The following RFX3 variants were observed in gnomAD, a reference collection of about 807,000 sequenced individuals.
RFX3 encodes regulatory factor X3.
A neutral mutation model predicts 98.6 loss-of-function variants in RFX3; 14 were observed. That is an observed-to-expected ratio of 0.14 (90% confidence interval 0.09 to 0.22). The LOEUF (loss-of-function observed/expected upper bound fraction) is 0.22, where lower values mean the gene tolerates loss of function less well. Ranked by LOEUF, RFX3 falls within the 10% of genes least tolerant of loss-of-function variation. RFX3 has a pLI of 1.00. For missense variants in RFX3, 639 were observed against 926.9 expected (o/e 0.69, Z 4.03); for synonymous variants, 383 against 328.4 (o/e 1.17, Z -1.80).
chr9:3,390,746 C>T (rs1390037638), intron 2 of RFX3, among the ~76,000 whole-genome samples: 2 of 152,104 alleles, frequency 1.3e-5, no homozygotes, highest in Non-Finnish European at 2.9e-5. Flanking sequence ...CCGTGTAAGA[C>T]ATGACTTGTT....
intron 13 of RFX3, among the ~76,000 whole-genome samples, chr9:3,261,859 G>C (rs1822941969): frequency 6.6e-6 from 1 of 152,062 alleles, no homozygotes; most frequent in African/African-American, 2.4e-5. Flanking sequence ...ATACGAAATG[G>C]TACCTCGCTG....
intron 1 of RFX3, among the ~76,000 whole-genome samples, chr9:3,518,921 T>C (rs1388550773): frequency 6.6e-6 from 1 of 152,216 alleles, no homozygotes; most frequent in Non-Finnish European, 1.5e-5. Context: ...GTAACAATTC[T>C]AAGCAACGCA....
chr9:3,352,779 T>A (rs111759770), intron 2 of RFX3, among the ~76,000 whole-genome samples: 1 of 152,068 alleles, frequency 6.6e-6, no homozygotes, highest in African/African-American at 2.4e-5. Flanking sequence ...GCCATGATCC[T>A]GGGTTCTGAC....
At chr9:3,413,292 C>T (rs1462915986) in intron 1 of RFX3, among the ~76,000 whole-genome samples, 1 of 151,974 alleles carries the variant, frequency 6.6e-6, no homozygotes, top group East Asian at 1.9e-4. Context: ...ATTCAATTTA[C>T]TTGATAAATT....
intron 1 of RFX3, chr9:3,420,700 G>A: frequency 1.2e-6 from 1 of 800,142 alleles, no homozygotes; most frequent in Non-Finnish European, 1.5e-6. Flanking sequence ...AGGTTCCACA[G>A]CAAAGTCAGG....
chr9:3,247,533 A>C (rs1476298071), intron 15 of RFX3: 1 of 951,978 alleles, frequency 1.1e-6, no homozygotes, highest in Non-Finnish European at 1.3e-6. Context: ...TTACATGTAA[A>C]AAACATAGAA....
chr9:3,520,696 G>A (rs1202521007), intron 1 of RFX3, among the ~76,000 whole-genome samples: 2 of 152,158 alleles, frequency 1.3e-5, no homozygotes, highest in East Asian at 3.9e-4. Flanking sequence ...GGTGTTTTGA[G>A]ACAGGGTCTT....
chr9:3,499,066 A>G (rs1366405663), intron 1 of RFX3, among the ~76,000 whole-genome samples: 1 of 152,118 alleles, frequency 6.6e-6, no homozygotes, highest in Non-Finnish European at 1.5e-5. Context: ...ACATACACAA[A>G]TATTCAAAAT....
At chr9:3,513,470 C>T (rs950159936) in intron 1 of RFX3, among the ~76,000 whole-genome samples, 1 of 152,130 alleles carries the variant, frequency 6.6e-6, no homozygotes, top group South Asian at 2.1e-4. Context: ...GGGGTGCCAT[C>T]TATTGGCATT....
At chr9:3,521,433 A>T (rs1036045776) in intron 1 of RFX3, among the ~76,000 whole-genome samples, 2 of 152,118 alleles carry the variant, frequency 1.3e-5, no homozygotes, top group African/African-American at 2.4e-5. Context: ...ATAATTAAAA[A>T]TTTTTTTCTT....
At chr9:3,264,185 T>G (rs1185521272) in intron 12 of RFX3, among the ~76,000 whole-genome samples, 1 of 152,210 alleles carries the variant, frequency 6.6e-6, no homozygotes, top group Non-Finnish European at 1.5e-5. Flanking sequence ...CAGTTTATTT[T>G]GAAAGACAGC....
intron 2 of RFX3, among the ~76,000 whole-genome samples, chr9:3,361,316 C>T (rs1358433503): frequency 1.3e-5 from 2 of 152,028 alleles, no homozygotes; most frequent in African/African-American, 4.8e-5. Flanking sequence ...GTCGGTATTT[C>T]TGGCCCAGTA....
intron 4 of RFX3, among the ~76,000 whole-genome samples, chr9:3,321,680 G>A (rs971517074): frequency 7.2e-5 from 11 of 152,126 alleles, no homozygotes; most frequent in South Asian, 6.2e-4. Context: ...GGTTTTCTCA[G>A]CAGGATGTTT....
chr9:3,283,346 A>G (rs753113425), intron 7 of RFX3, among the ~76,000 whole-genome samples: 1 of 151,778 alleles, frequency 6.6e-6, no homozygotes, highest in South Asian at 2.1e-4. Context: ...ATTTTCAGAT[A>G]CGTTATTCCA....
At chr9:3,447,670 G>T (rs756052707) in intron 1 of RFX3, among the ~76,000 whole-genome samples, 1 of 152,004 alleles carries the variant, frequency 6.6e-6, no homozygotes, top group Non-Finnish European at 1.5e-5. Flanking sequence ...TTCAAGATTT[G>T]GTTCCATTAA....
Position 3,270,919 on chromosome 9 carries a change from A to C in RFX3, c.1202+84T>G, listed in dbSNP as rs767082772. 3 of 1,590,096 alleles carry C rather than the reference A, an allele frequency of 1.9e-6. No homozygotes were observed. The African/African-American group carries it at 4.0e-5, about 21-fold the overall frequency. ...CAATTAATGTCATCAGGTAAGGTTC[A>C]CAACTGGTATACATATCTCTAATTT... On this transcript the variant is annotated intron_variant, in intron 10 of 16. Coordinates refer to ENST00000617270, the MANE Select transcript of RFX3 (RefSeq NM_001282116.2).
chr9:3,382,164 T>C (rs1473863700), intron 2 of RFX3, among the ~76,000 whole-genome samples: 1 of 152,166 alleles, frequency 6.6e-6, no homozygotes, highest in Non-Finnish European at 1.5e-5. Context: ...CCCAAGTAGT[T>C]GGGACTACAG....
intron 7 of RFX3, among the ~76,000 whole-genome samples, chr9:3,287,033 T>C (rs1185698835): frequency 6.6e-6 from 1 of 151,942 alleles, no homozygotes; most frequent in Non-Finnish European, 1.5e-5. Flanking sequence ...TCCCAGACTG[T>C]ATTCCATTTT....
intron 1 of RFX3, among the ~76,000 whole-genome samples, chr9:3,429,679 G>C (rs576786159): frequency 1.3e-5 from 2 of 152,230 alleles, no homozygotes; most frequent in Non-Finnish European, 2.9e-5. Context: ...CAAAGTATTT[G>C]GGCAGGCCGA....
Sources: gnomAD v4.1 joint callset for allele counts (sites outside exome capture counted in the v4.1 genomes callset) on GRCh38, gnomAD v4.1.1 for gene constraint, MANE v1.5 for transcripts, NCBI Gene and HGNC (gene_info 2026-07-23, HGNC 2026-07-21) for gene names.